Variants in TLR4 observed in about 807,000 individuals in gnomAD.
The protein encoded by TLR4 is toll like receptor 4, also known as toll-like receptor 4.
A neutral mutation model predicts 27.4 loss-of-function variants in TLR4; 17 were observed. That is an observed-to-expected ratio of 0.62 (90% CI 0.42 to 0.93). The LOEUF (loss-of-function observed/expected upper bound fraction) is 0.93, where lower values mean the gene tolerates loss of function less well. Among genes scored for constraint, TLR4 ranks in the 40% least tolerant of loss-of-function variants. The probability of loss-of-function intolerance (pLI) is 0.00; values close to 1 mark genes in which losing one functional copy is unlikely to be tolerated. For synonymous variants in TLR4, 363 were observed against 365.7 expected, an observed-to-expected ratio of 0.99 and a Z score of 0.08; for missense variants, 926 against 962.3, an observed-to-expected ratio of 0.96 and a Z score of 0.50.
intron 1 of TLR4, among the ~76,000 whole-genome samples, chr9:117,707,192 G>A (rs191936358): frequency 3.2e-4 from 49 of 152,284 alleles, no homozygotes; most frequent in Non-Finnish European, 6.3e-4. Context: ...GCCTGGCACT[G>A]TTTCTATTAG....
At chr9:117,704,841 G>T (rs995902248) in intron 1 of TLR4, among the ~76,000 whole-genome samples, 5 of 152,114 alleles carry the variant, frequency 3.3e-5, no homozygotes, top group Non-Finnish European at 7.4e-5. Flanking sequence ...GCTCTGTGAA[G>T]AAATTATCAA....
chr9:117,720,950 G>A lies in TLR4; in HGVS notation c.*6302G>A, dbSNP rs1329055140. On this transcript the variant is annotated 3_prime_UTR_variant, in exon 3 of 3. Coordinates refer to ENST00000355622, the MANE Select transcript of TLR4 (RefSeq NM_138554.5). ...AGGAATAAACACTCTTTCTATTTGT[G>A]GGATTCCCTAGGAGACACTATATAA... 1 of 151,918 alleles carries A rather than the reference G, an allele frequency of 6.6e-6. No homozygotes were observed. The highest frequency in any genetic ancestry group is 1.9e-4 in the East Asian group (1 of 5,184). The allele number at this position is 151,918 out of a possible 1,614,324, so 9.4% of individuals were successfully genotyped here.
intron 2 of TLR4, chr9:117,709,056 C>G (rs1185006885): frequency 1.7e-5 from 5 of 295,798 alleles, no homozygotes; most frequent in Non-Finnish European, 3.3e-5. Context: ...GTTGTACACT[C>G]TGCAAGAAGA....
intron 2 of TLR4, among the ~76,000 whole-genome samples, chr9:117,710,013 A>T (rs557911068): frequency 6.6e-6 from 1 of 152,152 alleles, no homozygotes; most frequent in East Asian, 1.9e-4. Context: ...TATATATTTA[A>T]ATTTTTATAA....
chr9:117,712,388 G>C lies in TLR4; in HGVS notation c.261-1G>C. On this transcript the variant is annotated splice_acceptor_variant, in intron 2 of 2. Transcript: ENST00000355622. LOFTEE classifies it high-confidence loss of function. ...TAATCAATGTCTTTTTATTCCTGTA[G>C]GTGTGAAATCCAGACAATTGAAGAT... is the stretch of plus-strand genomic sequence containing the variant. The C allele has an allele frequency of 6.2e-7, 1 of 1,612,788 alleles. No individual in the cohort carries two copies. Among genetic ancestry groups the C allele is most frequent in the Non-Finnish European group, 8.5e-7 (1 of 1,179,092 alleles).
In TLR4 at chr9:117,714,914, T is replaced by C; in HGVS notation, c.*266T>C. The C allele has an allele frequency of 1.9e-6, 1 of 513,866 alleles. No individual in the cohort carries two copies. The allele number at this position is 513,866 out of a possible 1,614,324, so 31.8% of individuals were successfully genotyped here. On this transcript the variant is annotated 3_prime_UTR_variant, in exon 3 of 3. Transcript: ENST00000355622. ...ATGACAAAGAAAGTCATTTCAACTC[T>C]TACCTCATCAAGTTGAATAAAGACA...
chr9:117,714,779 A>G lies in TLR4; in HGVS notation c.*131A>G. The stretch of plus-strand genomic sequence containing the variant: ...GGTGAGTAATTCCATGGTGCACTAG[A>G]TATGCAGGGCTGCTAATCTCAAGGA... On this transcript the variant is annotated 3_prime_UTR_variant, in exon 3 of 3. Coordinates refer to ENST00000355622, the MANE Select transcript of TLR4 (RefSeq NM_138554.5). 1 of 789,254 alleles carries G rather than the reference A, an allele frequency of 1.3e-6. No individual in the cohort carries two copies. The highest frequency in any genetic ancestry group is 2.0e-5 in the Admixed American group (1 of 49,758). 48.9% of individuals were successfully genotyped at this position (789,254 alleles called of 1,614,324 possible).
At position 117,704,560 on chromosome 9, in the gene TLR4, G is replaced by C. The variant is rs756229233; in HGVS notation, c.88G>C (p.Val30Leu). 3.7e-6 allele frequency: 6 copies of C among 1,613,704 alleles called. No individual in the cohort carries two copies. Among genetic ancestry groups the C allele is most frequent in the Non-Finnish European group, 5.1e-6 (6 of 1,179,804 alleles). ...GAGACCAGAAAGCTGGGAGCCCTGC[G>C]TGGAGGTATGTGGCTGGAGTCAGCT... ...CVRPESWEPC[V>L]EVVPNITYQC... The change falls in exon 1 of 3, where the codon GTG becomes CTG. Residue 30 changes from valine (V) to leucine (L), a missense_variant. Transcript: ENST00000355622.
chr9:117,713,698 G>A lies in TLR4; in HGVS notation c.1570G>A (p.Val524Ile). The A allele has an allele frequency of 1.2e-6, 2 of 1,613,838 alleles. No individual in the cohort carries two copies. The highest frequency in any genetic ancestry group is 8.5e-7 in the Non-Finnish European group (1 of 1,179,986). Reference sequence around the variant, plus strand: ...ATTTAACTCACTCTCCAGTCTTCAGGTACTAAATATGAGCCACAACAACTT... The same window carrying A: ...ATTTAACTCACTCTCCAGTCTTCAGATACTAAATATGAGCCACAACAACTT... Reference protein sequence around the residue: ...TAFNSLSSLQVLNMSHNNFFS... With the variant: ...TAFNSLSSLQILNMSHNNFFS... Residue 524 changes from valine (V) to isoleucine (I), a missense_variant, in exon 3 of 3, where the codon GTA becomes ATA. Coordinates refer to ENST00000355622, the MANE Select transcript of TLR4 (RefSeq NM_138554.5).
intron 2 of TLR4, among the ~76,000 whole-genome samples, chr9:117,711,556 A>G (rs5030717): frequency 0.13 from 19,585 of 151,954 alleles, 1,460 homozygotes; most frequent in African/African-American, 0.17. Flanking sequence ...GTACACTCCA[A>G]TTTCATCTCT....
At chr9:117,708,303 C>A in intron 1 of TLR4, 2 of 1,255,454 alleles carry the variant, frequency 1.6e-6, no homozygotes, top group Non-Finnish European at 2.0e-6. Flanking sequence ...CTAAATGCTG[C>A]CGTTTTATCA....
At position 117,720,952 on chromosome 9, in the gene TLR4, G is replaced by A. The variant is rs1391886217; in HGVS notation, c.*6304G>A. 6.6e-6 allele frequency: 1 copy of A among 151,958 alleles called. No homozygotes were observed. Among genetic ancestry groups the A allele is most frequent in the East Asian group, 1.9e-4 (1 of 5,182 alleles). The allele number at this position is 151,958 out of a possible 1,614,324, so 9.4% of individuals were successfully genotyped here. A position where few individuals can be genotyped will look rare whatever the true frequency, so the allele number is the denominator to read the frequency against. On this transcript the variant is annotated 3_prime_UTR_variant, in exon 3 of 3. Transcript: ENST00000355622. ...GAATAAACACTCTTTCTATTTGTGG[G>A]ATTCCCTAGGAGACACTATATAAAA...
chr9:117,714,685 C>A lies in TLR4; in HGVS notation c.*37C>A. 1 of 1,571,278 alleles carries A rather than the reference C, an allele frequency of 6.4e-7. No homozygotes were observed. The highest frequency in any genetic ancestry group is 1.3e-5 in the African/African-American group (1 of 74,166). ...AAAAACCTCCTGAGGCATTTCTTGC[C>A]CAGCTGGGTCCAACACTTGTTCAGT... On this transcript the variant is annotated 3_prime_UTR_variant, in exon 3 of 3. Transcript: ENST00000355622.
Position 117,714,257 on chromosome 9 carries a change from G to A in TLR4, c.2129G>A (p.Arg710Lys). ...VPPFQLCLHY[R>K]DFIPGVAIAA... ...CCATTTCAGCTCTGCCTTCACTACAGAGACTTTATTCCCGGTGTGGCCATT... is the reference window on the plus strand; with the variant it reads ...CCATTTCAGCTCTGCCTTCACTACAAAGACTTTATTCCCGGTGTGGCCATT... Residue 710 changes from arginine (R) to lysine (K), a missense_variant, in exon 3 of 3, where the codon AGA becomes AAA. Transcript: ENST00000355622. 1 of 1,600,802 alleles carries A rather than the reference G, an allele frequency of 6.2e-7. No homozygotes were observed. Among genetic ancestry groups the A allele is most frequent in the Non-Finnish European group, 8.5e-7 (1 of 1,169,948 alleles).
rs1257413240 is a variant in TLR4 at position 117,724,181 on chromosome 9, C to A, written c.*9533C>A. ...CCCTTTCCAAGCAGCAGGGTCAAGC[C>A]GCTCCCTTCCTGAGCTGTGGCATCT... On this transcript the variant is annotated 3_prime_UTR_variant, in exon 3 of 3. Coordinates refer to ENST00000355622, the MANE Select transcript of TLR4 (RefSeq NM_138554.5). The A allele has an allele frequency of 6.6e-6, 1 of 152,264 alleles. No individual in the cohort carries two copies. Among genetic ancestry groups the A allele is most frequent in the Non-Finnish European group, 1.5e-5 (1 of 68,100 alleles). The allele number at this position is 152,264 out of a possible 1,614,324, so 9.4% of individuals were successfully genotyped here.
In TLR4 at chr9:117,704,495, C is replaced by T. The variant is rs774003809; in HGVS notation, c.23C>T (p.Ala8Val). The T allele has an allele frequency of 2.5e-6, 4 of 1,613,464 alleles. No individual in the cohort carries two copies. Among genetic ancestry groups the T allele is most frequent in the African/African-American group, 1.3e-5 (1 of 74,886 alleles). ...AGGATGATGTCTGCCTCGCGCCTGG[C>T]TGGGACTCTGATCCCAGCCATGGCC... is the stretch of plus-strand genomic sequence containing the variant. MMSASRLAGTLIPAMAFL... is the reference protein window; with the variant it reads MMSASRLVGTLIPAMAFL... Residue 8 changes from alanine (A) to valine (V), a missense_variant, in exon 1 of 3, where the codon GCT becomes GTT. Coordinates refer to ENST00000355622, the MANE Select transcript of TLR4 (RefSeq NM_138554.5).
chr9:117,713,915 A>G lies in TLR4; in HGVS notation c.1787A>G (p.Asp596Gly). Residue 596 changes from aspartate (D) to glycine (G), a missense_variant, in exon 3 of 3, where the codon GAC becomes GGC. Physicochemically the swap from Asp to Gly is moderately conservative, Grantham distance 94. Coordinates refer to ENST00000355622, the MANE Select transcript of TLR4 (RefSeq NM_138554.5). ...CAGAGTTTCCTGCAATGGATCAAGGACCAGAGGCAGCTCTTGGTGGAAGTT... is the reference window on the plus strand; with the variant it reads ...CAGAGTTTCCTGCAATGGATCAAGGGCCAGAGGCAGCTCTTGGTGGAAGTT... ...EHQSFLQWIK[D>G]QRQLLVEVER... 1 of 1,613,854 alleles carries G rather than the reference A, an allele frequency of 6.2e-7. No homozygotes were observed. The highest frequency in any genetic ancestry group is 8.5e-7 in the Non-Finnish European group (1 of 1,179,938).
intron 1 of TLR4, chr9:117,708,106 AT>A: frequency 1.2e-6 from 1 of 809,594 alleles, no homozygotes; most frequent in Non-Finnish European, 1.5e-6. Context: ...CAAGCACGAT[AT>A]TGGATATTTT....
At chr9:117,708,275 C>T (rs1272128066) in intron 1 of TLR4, 16 of 1,194,328 alleles carry the variant, frequency 1.3e-5, no homozygotes, top group East Asian at 9.7e-5. Flanking sequence ...CCCTTCACCC[C>T]GATTCCATTG....
Sources: allele counts gnomAD v4.1 joint callset (sites outside exome capture counted in the v4.1 genomes callset), GRCh38; gene constraint gnomAD v4.1.1; transcripts MANE v1.5; gene names NCBI Gene and HGNC (gene_info 2026-07-23, HGNC 2026-07-21).